The following ARL13B variants were observed in gnomAD, a reference collection of about 807,000 sequenced individuals.
ARL13B encodes the protein ADP-ribosylation factor-like protein 13B.
ARL13B carries 36 observed loss-of-function variants against 56.1 expected under a neutral mutation model. The observed-to-expected ratio is 0.64, with a 90% CI of 0.49 to 0.85. The LOEUF (loss-of-function observed/expected upper bound fraction) is 0.85, where lower values mean the gene tolerates loss of function less well. ARL13B is among the 40% of genes least tolerant of loss of function. The pLI is 0.00. For missense variants in ARL13B, 519 were observed against 507.1 expected, an observed-to-expected ratio of 1.02 and a Z score of -0.23; for synonymous variants, 178 against 171.1, an observed-to-expected ratio of 1.04 and a Z score of -0.32.
intron 1 of ARL13B, among the ~76,000 whole-genome samples, chr3:93,986,795 C>T (rs1277115587): frequency 2.6e-5 from 4 of 151,974 alleles, no homozygotes; most frequent in Non-Finnish European, 5.9e-5. Flanking sequence ...ATAGTGAAAC[C>T]CTGTCTCTAC....
At chr3:93,994,638 G>A (rs1174169689) in intron 1 of ARL13B, among the ~76,000 whole-genome samples, 1 of 152,046 alleles carries the variant, frequency 6.6e-6, no homozygotes, top group African/African-American at 2.4e-5. Context: ...CTGGTGTCTG[G>A]TATATAGAAG....
chr3:94,048,760 G>GT (rs1480246585), intron 7 of ARL13B, among the ~76,000 whole-genome samples: 94 of 151,374 alleles, frequency 6.2e-4, no homozygotes, highest in African/African-American at 2.2e-3. Context: ...GCCATGCTGG[G>GT]GTTTTTTTTT....
intron 4 of ARL13B, among the ~76,000 whole-genome samples, chr3:94,035,685 C>G (rs577324702): frequency 7.3e-4 from 111 of 152,162 alleles, no homozygotes; most frequent in African/African-American, 2.6e-3. Context: ...TGCGTTTTAA[C>G]ATAGCCAACA....
chr3:94,042,982 A>G (rs1323533225), intron 6 of ARL13B, 33 bp from the exon 7 acceptor site: 3 of 1,514,982 alleles, frequency 2.0e-6, no homozygotes, highest in East Asian at 2.4e-5. Flanking sequence ...TAAAACCATC[A>G]TAGTAAAGAT....
chr3:94,035,766 A>C (rs560511306), intron 4 of ARL13B, among the ~76,000 whole-genome samples: 6 of 152,212 alleles, frequency 3.9e-5, no homozygotes, highest in Non-Finnish European at 5.9e-5. Flanking sequence ...TGAGAGATTC[A>C]TAATGAATTT....
chr3:94,052,864 A>G (rs926927368), intron 9 of ARL13B, among the ~76,000 whole-genome samples: 2 of 152,250 alleles, frequency 1.3e-5, no homozygotes, highest in African/African-American at 4.8e-5. Flanking sequence ...GAAGTAAGGA[A>G]TGGAAATTGG....
chr3:94,014,553 T>C, intron 3 of ARL13B: 2 of 1,612,812 alleles, frequency 1.2e-6, no homozygotes, highest in Non-Finnish European at 1.7e-6. Flanking sequence ...GTTCCTCTAC[T>C]AAAAGAGATA....
intron 1 of ARL13B, among the ~76,000 whole-genome samples, chr3:93,995,633 T>C (rs1191643981): frequency 6.6e-6 from 1 of 152,238 alleles, no homozygotes; most frequent in Non-Finnish European, 1.5e-5. Context: ...CTTTGGATTA[T>C]CTATTGTAGA....
intron 2 of ARL13B, among the ~76,000 whole-genome samples, chr3:94,000,680 A>G (rs897632557): frequency 2.0e-5 from 3 of 152,122 alleles, no homozygotes; most frequent in African/African-American, 4.8e-5. Context: ...TAAGAGCTCT[A>G]TGGGATCAGA....
chr3:94,011,749 C>T (rs2076227482), intron 3 of ARL13B, among the ~76,000 whole-genome samples: 1 of 152,030 alleles, frequency 6.6e-6, no homozygotes, highest in Admixed American at 6.6e-5. Context: ...ATGTTTCTTG[C>T]CTGGAAGTAT....
At chr3:94,014,697 C>G in intron 3 of ARL13B, 5 of 1,612,958 alleles carry the variant, frequency 3.1e-6, no homozygotes, top group Non-Finnish European at 4.2e-6. Context: ...TAAAAACTTC[C>G]CATTTTCCTT....
chr3:93,983,605 CCTT>C (rs1466261497), intron 1 of ARL13B, among the ~76,000 whole-genome samples: 3 of 152,194 alleles, frequency 2.0e-5, no homozygotes, highest in Admixed American at 2.0e-4. Flanking sequence ...TTTTTCATCT[CCTT>C]CACATTATAG....
intron 1 of ARL13B, among the ~76,000 whole-genome samples, chr3:93,990,348 AT>A (rs1408056292): frequency 6.6e-6 from 1 of 151,984 alleles, no homozygotes; most frequent in Non-Finnish European, 1.5e-5. Context: ...GGGACCTAAA[AT>A]TTCTCAAATT....
At chr3:93,993,868 A>G (rs1326826161) in intron 1 of ARL13B, among the ~76,000 whole-genome samples, 2 of 152,196 alleles carry the variant, frequency 1.3e-5, no homozygotes, top group Non-Finnish European at 2.9e-5. Context: ...CTTCTCCATA[A>G]ATCTATAATC....
chr3:94,021,238 G>A (rs2076442364), intron 3 of ARL13B, among the ~76,000 whole-genome samples: 1 of 150,408 alleles, frequency 6.6e-6, no homozygotes, highest in Admixed American at 6.6e-5. Context: ...CTGTTACCCA[G>A]GCTGGAGTGC....
At chr3:94,052,315 T>C (rs1331316961) in intron 9 of ARL13B, among the ~76,000 whole-genome samples, 1 of 152,170 alleles carries the variant, frequency 6.6e-6, no homozygotes, top group Non-Finnish European at 1.5e-5. Context: ...GTGAGGATTC[T>C]ACTATACAGA....
rs1224858871 is a variant in ARL13B, at chr3:94,043,211, A to G, written c.995A>G (p.Asp332Gly). The G allele has an allele frequency of 8.7e-6, 14 of 1,613,494 alleles. No homozygotes were observed. The highest frequency in any genetic ancestry group is 2.2e-5 in the East Asian group (1 of 44,798). ...TTAACACAGCAGTTAAAGAATGAAG[A>G]TGAGACAGACCGGCCATCATTGGAA... ...EALTQQLKNE[D>G]ETDRPSLESA... Residue 332 changes from aspartate (D) to glycine (G), a missense_variant, in exon 7 of 10, where the codon GAT (aspartate) becomes GGT (glycine). Transcript: ENST00000394222.
intron 7 of ARL13B, among the ~76,000 whole-genome samples, chr3:94,048,479 AAAAG>A (rs1560016059): frequency 1.3e-5 from 2 of 152,270 alleles, no homozygotes; most frequent in East Asian, 1.9e-4. Flanking sequence ...AATAATTTTT[AAAAG>A]AAAGAACACA....
At chr3:94,042,827 TTC>T (rs1235896224) in intron 6 of ARL13B, among the ~76,000 whole-genome samples, 186 bp from the exon 7 acceptor site, 3 of 152,202 alleles carry the variant, frequency 2.0e-5, no homozygotes, top group East Asian at 3.8e-4. Flanking sequence ...TTGTTATACT[TTC>T]TGTTTTACTG....
Sources: allele counts gnomAD v4.1 joint callset (sites outside exome capture counted in the v4.1 genomes callset), GRCh38; gene constraint gnomAD v4.1.1; transcripts MANE v1.5; gene names NCBI Gene and HGNC (gene_info 2026-07-23, HGNC 2026-07-21).